The following CCDC148 variants were observed in gnomAD, a reference collection of about 807,000 sequenced individuals.
CCDC148 encodes coiled-coil domain containing 148.
Under a neutral mutation model 85.7 loss-of-function variants are expected in CCDC148, and 89 were observed. That is an observed-to-expected ratio of 1.04 (90% CI 0.87 to 1.24). The LOEUF (loss-of-function observed/expected upper bound fraction) is 1.24, where lower values mean the gene tolerates loss of function less well. Ranked by LOEUF, CCDC148 falls within the 50% of genes most tolerant of loss-of-function variation. CCDC148 has a pLI of 0.00. For synonymous variants in CCDC148, 230 were observed against 213.9 expected (o/e 1.08, Z -0.66); for missense variants, 692 against 671.7 (o/e 1.03, Z -0.33).
intron 1 of CCDC148, among the ~76,000 whole-genome samples, chr2:158,426,016 C>G (rs1276659929): frequency 2.0e-5 from 3 of 151,960 alleles, no homozygotes; most frequent in Non-Finnish European, 1.5e-5. Context: ...AATCAGTGGT[C>G]TGCTAGAAAA....
chr2:158,328,977 T>A (rs1454514300), intron 7 of CCDC148, among the ~76,000 whole-genome samples: 1 of 152,218 alleles, frequency 6.6e-6, no homozygotes, highest in Non-Finnish European at 1.5e-5. Context: ...CTGTTCACTC[T>A]GATGGTAGTT....
intron 1 of CCDC148, among the ~76,000 whole-genome samples, chr2:158,439,208 A>G (rs1254308939): frequency 5.9e-5 from 9 of 152,060 alleles, no homozygotes; most frequent in Non-Finnish European, 1.3e-4. Flanking sequence ...TCACAATAGC[A>G]AAGGCTTGGT....
chr2:158,179,519 T>G (rs920097306), intron 11 of CCDC148, among the ~76,000 whole-genome samples: 2 of 152,006 alleles, frequency 1.3e-5, no homozygotes, highest in African/African-American at 4.8e-5. Context: ...CTCATTGAAA[T>G]CACTTTATTA....
At chr2:158,183,629 G>T (rs1004731758) in intron 11 of CCDC148, among the ~76,000 whole-genome samples, 2 of 152,100 alleles carry the variant, frequency 1.3e-5, no homozygotes, top group Admixed American at 6.6e-5. Context: ...CTTCATTAGG[G>T]TCTCTAACTA....
intron 1 of CCDC148, among the ~76,000 whole-genome samples, chr2:158,433,834 C>A (rs187312335): frequency 3.2e-4 from 49 of 152,352 alleles, no homozygotes; most frequent in African/African-American, 9.9e-4. Flanking sequence ...TATCCTGTGC[C>A]TGGCTCAGAG....
chr2:158,296,877 T>C (rs1574571653), intron 9 of CCDC148, among the ~76,000 whole-genome samples: 1 of 152,196 alleles, frequency 6.6e-6, no homozygotes, highest in South Asian at 2.1e-4. Context: ...TAGTGCAATA[T>C]AGCTGTATAG....
intron 1 of CCDC148, among the ~76,000 whole-genome samples, chr2:158,410,789 T>A (rs1686224845): frequency 6.6e-6 from 1 of 152,178 alleles, no homozygotes. Context: ...ATATTTATCT[T>A]TATTAGTGAG....
intron 11 of CCDC148, among the ~76,000 whole-genome samples, chr2:158,198,507 A>T (rs953078878): frequency 6.6e-6 from 1 of 152,188 alleles, no homozygotes; most frequent in Non-Finnish European, 1.5e-5. Flanking sequence ...TCATTTTCTG[A>T]ATCATGCCAG....
At chr2:158,189,182 C>T (rs77530594) in intron 11 of CCDC148, among the ~76,000 whole-genome samples, 8,409 of 151,880 alleles carry the variant, frequency 0.055, 779 homozygotes, top group African/African-American at 0.19. Context: ...AGTAAAGAGT[C>T]AGAAAGAGAG....
chr2:158,250,597 T>C (rs1688749773), intron 10 of CCDC148, among the ~76,000 whole-genome samples, 175 bp downstream of exon 10: 1 of 151,536 alleles, frequency 6.6e-6, no homozygotes. Flanking sequence ...CTCCTCCATG[T>C]CAACAAATCT....
intron 1 of CCDC148, chr2:158,425,309 G>A (rs553471566): frequency 1.7e-5 from 9 of 529,672 alleles, no homozygotes; most frequent in South Asian, 1.3e-4. Context: ...CATACTAAAG[G>A]AGGACATTGG....
intron 1 of CCDC148, among the ~76,000 whole-genome samples, chr2:158,381,880 C>G (rs1684883709): frequency 6.6e-6 from 1 of 152,088 alleles, no homozygotes; most frequent in Non-Finnish European, 1.5e-5. Flanking sequence ...AGAAACTACT[C>G]AGATACTATG....
intron 1 of CCDC148, among the ~76,000 whole-genome samples, chr2:158,439,392 C>G (rs745657000): frequency 6.6e-6 from 1 of 152,076 alleles, no homozygotes; most frequent in East Asian, 1.9e-4. Context: ...AACCAAACAC[C>G]GCATGTTCTC....
At position 158,310,976 on chromosome 2, in the gene CCDC148, C is replaced by T. The variant is rs77002758; in HGVS notation, c.904-1337G>A. ...AGTGTGGCGGCCGGGAAGAGGCGCTCTTCACTTCCCAGACTGGGCGGCCGG... is the reference window on the plus strand; with the variant it reads ...AGTGTGGCGGCCGGGAAGAGGCGCTTTTCACTTCCCAGACTGGGCGGCCGG... On this transcript the variant is annotated intron_variant, in intron 8 of 13. Coordinates refer to ENST00000283233, the MANE Select transcript of CCDC148 (RefSeq NM_138803.4). Among the ~76,000 whole-genome samples, 931 of 151,838 alleles carry T rather than the reference C, an allele frequency of 6.1e-3. 7 individuals are homozygous for T. Among genetic ancestry groups the T allele is most frequent in the Middle Eastern group, 0.021 (6 of 292 alleles).
At chr2:158,331,242 G>T (rs896519835) in intron 7 of CCDC148, among the ~76,000 whole-genome samples, 1 of 152,082 alleles carries the variant, frequency 6.6e-6, no homozygotes, top group Non-Finnish European at 1.5e-5. Flanking sequence ...ACACCTTTAT[G>T]TCTGCCTTCA....
At chr2:158,278,160 T>C (rs548594840) in intron 9 of CCDC148, among the ~76,000 whole-genome samples, 104 of 152,244 alleles carry the variant, frequency 6.8e-4, no homozygotes, top group African/African-American at 2.3e-3. Context: ...GATGGCCGAA[T>C]AGGAACAGCT....
At chr2:158,347,057 T>C (rs1213228852) in intron 2 of CCDC148, among the ~76,000 whole-genome samples, 2 of 152,150 alleles carry the variant, frequency 1.3e-5, no homozygotes, top group African/African-American at 2.4e-5. Context: ...CTACTTTACC[T>C]ACCAAAAAAA....
At chr2:158,228,172 T>G (rs1262880409) in intron 10 of CCDC148, among the ~76,000 whole-genome samples, 17 of 152,038 alleles carry the variant, frequency 1.1e-4, no homozygotes, top group Non-Finnish European at 1.3e-4. Flanking sequence ...CTTCTCAAAA[T>G]AAGACATTTA....
chr2:158,427,546 G>C (rs1366385264), intron 1 of CCDC148, among the ~76,000 whole-genome samples: 1 of 152,080 alleles, frequency 6.6e-6, no homozygotes, highest in African/African-American at 2.4e-5. Context: ...ATTTCAAACA[G>C]AATTGCATAT....
Sources: gnomAD v4.1 joint callset for allele counts (sites outside exome capture counted in the v4.1 genomes callset) on GRCh38, gnomAD v4.1.1 for gene constraint, MANE v1.5 for transcripts, NCBI Gene and HGNC (gene_info 2026-07-23, HGNC 2026-07-21) for gene names.